LRP1B: variants seen among roughly 807,000 people sequenced by gnomAD.
LRP1B encodes LDL receptor related protein 1B.
LRP1B carries 217 observed loss-of-function variants against 556.6 expected under a neutral mutation model. That is an observed-to-expected ratio of 0.39 (90% CI 0.35 to 0.44). LRP1B has a LOEUF of 0.44. Among genes scored for constraint, LRP1B ranks in the 20% least tolerant of loss-of-function variants. The probability of loss-of-function intolerance (pLI) is 1.00; values close to 1 mark genes in which losing one functional copy is unlikely to be tolerated. For synonymous variants in LRP1B, 2,047 were observed against 1,865.8 expected (o/e 1.10, Z -2.50); for missense variants, 5,053 against 5,620.8 (o/e 0.90, Z 3.23).
intron 66 of LRP1B, among the ~76,000 whole-genome samples, chr2:140,441,000 T>C (rs972740598): frequency 8.5e-5 from 13 of 152,084 alleles, no homozygotes; most frequent in Non-Finnish European, 1.8e-4. Flanking sequence ...AACCTCTTTG[T>C]GCCCACTTTC....
intron 66 of LRP1B, among the ~76,000 whole-genome samples, chr2:140,410,531 G>A (rs1232419936): frequency 1.3e-5 from 2 of 151,954 alleles, no homozygotes; most frequent in Non-Finnish European, 2.9e-5. Context: ...CAGAGAGACA[G>A]CACGCTATGA....
chr2:141,062,261 A>T lies in LRP1B; in HGVS notation c.1026T>A (p.Phe342Leu), dbSNP rs779132670. 6.2e-6 allele frequency: 10 copies of T among 1,606,218 alleles called. No individual in the cohort carries two copies. The African/African-American group carries it at 1.3e-4, about 22-fold the overall frequency. Residue 342 changes from phenylalanine (F) to leucine (L), a missense_variant, in exon 8 of 91, where the codon TTT becomes TTA. By Grantham distance (22) the Phe-to-Leu change is conservative. Transcript: ENST00000389484. ...AVDPIAGKLFFTDYGNVAKVE... is the reference protein window; with the variant it reads ...AVDPIAGKLFLTDYGNVAKVE... ...CTTTGGCGACATTCCCGTAGTCAGT[A>T]AAGAAAAGTTTTCTGTTGAAAGAAA...
At chr2:140,236,034 G>C (rs956498821) in intron 89 of LRP1B, among the ~76,000 whole-genome samples, 1 of 150,882 alleles carries the variant, frequency 6.6e-6, no homozygotes, top group Non-Finnish European at 1.5e-5. Flanking sequence ...TCAAATGTAA[G>C]GTTACCAAGA....
At chr2:141,630,292 G>GA (rs1419468554) in intron 2 of LRP1B, among the ~76,000 whole-genome samples, 10 of 152,030 alleles carry the variant, frequency 6.6e-5, no homozygotes, top group African/African-American at 2.2e-4. Flanking sequence ...GAAACAGCTG[G>GA]AAAAAACAAT....
At position 141,247,326 on chromosome 2, in the gene LRP1B, T is replaced by A. The variant is rs373404657; in HGVS notation, c.492A>T (p.Thr164=). 4 of 1,613,690 alleles carry A rather than the reference T, an allele frequency of 2.5e-6. No homozygotes were observed. Among genetic ancestry groups the A allele is most frequent in the African/African-American group, 1.3e-5 (1 of 74,918 alleles). Residue 164 remains threonine (T), a synonymous_variant, in exon 5 of 91, where the codon ACA becomes ACT. Transcript: ENST00000389484. ...GTGTGTTTCTGCAGGTCTGGCTGCA[T>A]GTACCATAAACAGCACATTCATCTT... The part of the protein sequence containing the change: ...KDQDECAVYG[T]CSQTCRNTHG...
intron 2 of LRP1B, among the ~76,000 whole-genome samples, chr2:141,548,728 A>G (rs1685640809): frequency 6.6e-6 from 1 of 152,130 alleles, no homozygotes; most frequent in African/African-American, 2.4e-5. Flanking sequence ...AAGAGCCTTT[A>G]TTAGATGGGT....
At chr2:141,808,614 T>G (rs1245670646) in intron 2 of LRP1B, among the ~76,000 whole-genome samples, 1 of 152,148 alleles carries the variant, frequency 6.6e-6, no homozygotes, top group Non-Finnish European at 1.5e-5. Context: ...TTCACCCATT[T>G]AAAATGTACA....
chr2:140,463,925 G>T (rs958192010), intron 60 of LRP1B, among the ~76,000 whole-genome samples: 5 of 152,176 alleles, frequency 3.3e-5, no homozygotes, highest in Non-Finnish European at 5.9e-5. Context: ...GCCAGGAGTG[G>T]TGGCTCACGC....
chr2:141,117,508 TA>T (rs958836309), intron 7 of LRP1B, among the ~76,000 whole-genome samples: 9 of 152,058 alleles, frequency 5.9e-5, no homozygotes, highest in African/African-American at 1.7e-4. Flanking sequence ...TTAGAAGGTT[TA>T]AAAAAATCAC....
chr2:140,584,506 T>A (rs1228958658), intron 43 of LRP1B, among the ~76,000 whole-genome samples: 1 of 152,056 alleles, frequency 6.6e-6, no homozygotes, highest in East Asian at 1.9e-4. Flanking sequence ...GGCCTTTTGA[T>A]AAATTCTATC....
intron 18 of LRP1B, among the ~76,000 whole-genome samples, chr2:140,971,924 G>C (rs1696438640): frequency 1.3e-5 from 2 of 152,220 alleles, no homozygotes; most frequent in Admixed American, 1.3e-4. Flanking sequence ...ATCTTTGAGG[G>C]AGGCAGGTAG....
intron 1 of LRP1B, among the ~76,000 whole-genome samples, chr2:141,835,335 A>G (rs1697243083): frequency 6.6e-6 from 1 of 151,958 alleles, no homozygotes; most frequent in Admixed American, 6.6e-5. Flanking sequence ...GGTAAATCAC[A>G]TCATCTAGCC....
chr2:140,308,758 T>G (rs144488555), intron 83 of LRP1B, among the ~76,000 whole-genome samples: 1 of 152,004 alleles, frequency 6.6e-6, no homozygotes, highest in South Asian at 2.1e-4. Flanking sequence ...ACACTTAAAC[T>G]GCAGAGCATA....
At chr2:141,668,381 C>A (rs1340719173) in intron 2 of LRP1B, among the ~76,000 whole-genome samples, 1 of 152,124 alleles carries the variant, frequency 6.6e-6, no homozygotes, top group Non-Finnish European at 1.5e-5. Context: ...GTTTTTGTGG[C>A]CAAATGTTGC....
At chr2:141,461,359 A>C (rs1681864047) in intron 3 of LRP1B, among the ~76,000 whole-genome samples, 3 of 152,200 alleles carry the variant, frequency 2.0e-5, no homozygotes, top group Non-Finnish European at 4.4e-5. Flanking sequence ...GATGAACTTG[A>C]CAAGGCGGCT....
intron 2 of LRP1B, among the ~76,000 whole-genome samples, chr2:141,713,861 A>T (rs540854274): frequency 1.5e-4 from 23 of 152,244 alleles, no homozygotes; most frequent in African/African-American, 5.3e-4. Context: ...CAATTAATGG[A>T]TCATTCTCAA....
At chr2:140,335,354 C>T (rs546503016) in intron 78 of LRP1B, among the ~76,000 whole-genome samples, 1 of 151,926 alleles carries the variant, frequency 6.6e-6, no homozygotes, top group Non-Finnish European at 1.5e-5. Context: ...GCAATACACA[C>T]ATATAACCAT....
chr2:141,007,678 G>C (rs78954423), intron 14 of LRP1B, among the ~76,000 whole-genome samples: 5,249 of 151,438 alleles, frequency 0.035, 128 homozygotes, highest in Middle Eastern at 0.074. Flanking sequence ...TGGAAAATTA[G>C]AATTAATTCA....
chr2:141,435,088 T>C (rs1487477600), intron 3 of LRP1B, among the ~76,000 whole-genome samples: 2 of 152,236 alleles, frequency 1.3e-5, no homozygotes. Context: ...GATCCAGACT[T>C]GAGAATGCTC....
Sources: gnomAD v4.1 joint callset for allele counts (sites outside exome capture counted in the v4.1 genomes callset) on GRCh38, gnomAD v4.1.1 for gene constraint, MANE v1.5 for transcripts, NCBI Gene and HGNC (gene_info 2026-07-23, HGNC 2026-07-21) for gene names.